LRBA: variants seen among roughly 807,000 people sequenced by gnomAD.
The protein encoded by LRBA is lipopolysaccharide-responsive and beige-like anchor protein.
LRBA carries 176 observed loss-of-function variants against 330.0 expected under a neutral mutation model. That is an observed-to-expected ratio of 0.53 (90% CI 0.47 to 0.60). LRBA has a LOEUF of 0.60. LRBA is among the 20% of genes least tolerant of loss of function. The pLI is 0.00. For missense variants in LRBA, 3,259 were observed against 3,444.8 expected, an observed-to-expected ratio of 0.95 and a Z score of 1.35; for synonymous variants, 1,230 against 1,193.0, an observed-to-expected ratio of 1.03 and a Z score of -0.64.
At chr4:151,001,506 G>T (rs1743324614) in intron 2 of LRBA, among the ~76,000 whole-genome samples, 1 of 151,972 alleles carries the variant, frequency 6.6e-6, no homozygotes, top group Admixed American at 6.6e-5. Context: ...ACTACCATTG[G>T]CACCTGAACA....
At chr4:150,604,695 C>A (rs1205959082) in intron 37 of LRBA, among the ~76,000 whole-genome samples, 1 of 152,128 alleles carries the variant, frequency 6.6e-6, no homozygotes, top group Non-Finnish European at 1.5e-5. Context: ...GCACTTTTCA[C>A]ATCAAAATTT....
At chr4:150,743,682 C>T (rs767753687) in intron 35 of LRBA, among the ~76,000 whole-genome samples, 2 of 152,134 alleles carry the variant, frequency 1.3e-5, no homozygotes, top group Non-Finnish European at 2.9e-5. Context: ...TTCAACTCAC[C>T]ATACTACACT....
chr4:150,397,357 CA>C (rs1294718846), intron 47 of LRBA, among the ~76,000 whole-genome samples: 3 of 152,122 alleles, frequency 2.0e-5, no homozygotes, highest in African/African-American at 7.2e-5. Context: ...GGGTTTGCTG[CA>C]GCCTCAGCCT....
intron 47 of LRBA, among the ~76,000 whole-genome samples, chr4:150,376,196 G>GA (rs1044847970): frequency 2.6e-5 from 4 of 152,074 alleles, no homozygotes; most frequent in African/African-American, 9.7e-5. Context: ...AACTTTTAAA[G>GA]AAAGGCTAGA....
chr4:150,516,398 A>G (rs1003826805), intron 40 of LRBA, among the ~76,000 whole-genome samples: 1 of 151,824 alleles, frequency 6.6e-6, no homozygotes, highest in African/African-American at 2.4e-5. Flanking sequence ...AAAGGCCAAG[A>G]GAATTTTTAA....
At position 150,326,924 on chromosome 4, in the gene LRBA, G is replaced by C. The variant is rs192656113; in HGVS notation, c.7363-1026C>G. Among the ~76,000 whole-genome samples the C allele has an allele frequency of 7.9e-5, 12 of 152,134 alleles. No individual in the cohort carries two copies. The East Asian group carries it at 2.3e-3, about 29-fold the overall frequency. On this transcript the variant is annotated intron_variant, in intron 48 of 56. Transcript: ENST00000651943. The stretch of plus-strand genomic sequence containing the variant: ...TTGGAGCCAAAAGGAAGTGAGGTAG[G>C]GACTAGGATCATTTTCAGAACATCA...
intron 17 of LRBA, among the ~76,000 whole-genome samples, chr4:150,880,520 CAAAA>C (rs35835464): frequency 5.3e-5 from 6 of 112,890 alleles, no homozygotes; most frequent in Admixed American, 8.3e-5. Context: ...ACCCTGTCTC[CAAAA>C]AAAAAAAAAA....
chr4:150,528,406 CAGG>C (rs1304032003), intron 40 of LRBA, among the ~76,000 whole-genome samples: 5 of 151,106 alleles, frequency 3.3e-5, no homozygotes, highest in African/African-American at 7.3e-5. Context: ...GATGCTGAGG[CAGG>C]AGAATGGCGT....
intron 33 of LRBA, among the ~76,000 whole-genome samples, chr4:150,804,139 T>A (rs1742195125): frequency 6.6e-6 from 1 of 152,134 alleles, no homozygotes; most frequent in Admixed American, 6.5e-5. Flanking sequence ...TAAAATTCAA[T>A]TTTTTTCCAA....
intron 47 of LRBA, among the ~76,000 whole-genome samples, chr4:150,369,800 G>A (rs1012912283): frequency 6.6e-6 from 1 of 152,124 alleles, no homozygotes; most frequent in Non-Finnish European, 1.5e-5. Context: ...TGATTTCTGT[G>A]TTTCTCCATA....
intron 2 of LRBA, among the ~76,000 whole-genome samples, chr4:150,936,893 A>G (rs1735131936): frequency 6.6e-6 from 1 of 152,082 alleles, no homozygotes; most frequent in South Asian, 2.1e-4. Context: ...TAACAATTAC[A>G]TATCCTCCAT....
chr4:150,930,924 G>A (rs1025872469), intron 2 of LRBA, among the ~76,000 whole-genome samples: 1 of 152,108 alleles, frequency 6.6e-6, no homozygotes, highest in African/African-American at 2.4e-5. Context: ...AAAAGTATAC[G>A]TGCTTGGTTC....
In LRBA at chr4:150,914,186, G is replaced by A; in HGVS notation, c.1161+9C>T. 6.3e-7 allele frequency: 1 copy of A among 1,594,568 alleles called. No individual in the cohort carries two copies. Among genetic ancestry groups the A allele is most frequent in the Non-Finnish European group, 8.6e-7 (1 of 1,169,492 alleles). On this transcript the variant is annotated intron_variant, in intron 9 of 56. Coordinates refer to ENST00000651943, the MANE Select transcript of LRBA (RefSeq NM_001364905.1). ...ACATTGGTTAAGCACAAAACAGTAAGCAAACTACCTTGTATCCCAGGCCCA... is the reference window on the plus strand; with the variant it reads ...ACATTGGTTAAGCACAAAACAGTAAACAAACTACCTTGTATCCCAGGCCCA...
intron 47 of LRBA, among the ~76,000 whole-genome samples, chr4:150,375,304 G>A (rs564745802): frequency 6.6e-6 from 1 of 152,272 alleles, no homozygotes; most frequent in Admixed American, 6.5e-5. Context: ...GGACAGAAGG[G>A]AGTTGTGGGT....
intron 54 of LRBA, among the ~76,000 whole-genome samples, chr4:150,283,775 T>C (rs1214017478): frequency 6.6e-6 from 1 of 152,220 alleles, no homozygotes. Flanking sequence ...GTATGCACTT[T>C]TGTGGCTAGC....
intron 40 of LRBA, among the ~76,000 whole-genome samples, chr4:150,530,528 C>T (rs762430665): frequency 6.6e-6 from 1 of 152,140 alleles, no homozygotes; most frequent in Non-Finnish European, 1.5e-5. Flanking sequence ...ACCACAGCTC[C>T]CTCAACTCTC....
At chr4:151,006,359 GA>G (rs1744075482) in intron 2 of LRBA, among the ~76,000 whole-genome samples, 3 of 151,934 alleles carry the variant, frequency 2.0e-5, no homozygotes, top group Admixed American at 1.3e-4. Context: ...AAAAATAAAA[GA>G]ATAATAGGAA....
chr4:150,887,311 T>C (rs1166884166), intron 17 of LRBA, among the ~76,000 whole-genome samples: 2 of 152,146 alleles, frequency 1.3e-5, no homozygotes, highest in African/African-American at 2.4e-5. Flanking sequence ...CAAGTTTCTA[T>C]GCACAAACTA....
intron 46 of LRBA, chr4:150,422,980 T>C (rs1749031976): frequency 1.3e-6 from 1 of 781,322 alleles, no homozygotes; most frequent in Non-Finnish European, 2.4e-6. Flanking sequence ...GTATTTCTGG[T>C]CCAATGGTGT....
Sources: allele counts gnomAD v4.1 joint callset (sites outside exome capture counted in the v4.1 genomes callset), GRCh38; gene constraint gnomAD v4.1.1; transcripts MANE v1.5; gene names NCBI Gene and HGNC (gene_info 2026-07-23, HGNC 2026-07-21).